Variants in CLCN5 observed in about 807,000 individuals in gnomAD.
CLCN5 encodes Cl-/H+ antiporter 5.
CLCN5 carries 17 observed loss-of-function variants against 54.0 expected under a neutral mutation model. The observed-to-expected ratio is 0.31, with a 90% CI of 0.22 to 0.47. The LOEUF is 0.47. Ranked by LOEUF, CLCN5 falls within the 20% of genes least tolerant of loss-of-function variation. The pLI is 1.00. For synonymous variants in CLCN5, 222 were observed against 233.0 expected (o/e 0.95, Z 0.43); for missense variants, 448 against 646.7 (o/e 0.69, Z 3.33).
chrX:50,030,135 A>C (rs782802358), intron 3 of CLCN5, among the ~76,000 whole-genome samples: 1 of 112,109 alleles, frequency 8.9e-6, no homozygotes, highest in South Asian at 3.7e-4. Context: ...AAGTTATATA[A>C]AAGATGCCAC....
chrX:50,062,031 C>T (rs1158349717), intron 4 of CLCN5, among the ~76,000 whole-genome samples: 1 of 100,946 alleles, frequency 9.9e-6, no homozygotes, highest in African/African-American at 4.0e-5. Context: ...AAGGAACAAC[C>T]GGTACCAGCT....
intron 4 of CLCN5, among the ~76,000 whole-genome samples, chrX:50,044,039 C>T (rs1416267855): frequency 9.0e-6 from 1 of 111,587 alleles, no homozygotes; most frequent in Non-Finnish European, 1.9e-5. Flanking sequence ...TCCCTGCCTT[C>T]ATGAAGTTGA....
intron 3 of CLCN5, among the ~76,000 whole-genome samples, chrX:49,967,514 C>T (rs1292518823): frequency 5.4e-5 from 5 of 92,375 alleles, no homozygotes; most frequent in Admixed American, 2.2e-4. Context: ...GTTCAATATA[C>T]GCAAATCAAT....
intron 2 of CLCN5, among the ~76,000 whole-genome samples, chrX:49,924,455 C>T (rs910564983): frequency 7.1e-5 from 8 of 112,157 alleles, no homozygotes; most frequent in South Asian, 3.7e-4. Context: ...GCACCCGGCC[C>T]CTAACTCCTT....
In CLCN5 at chrX:50,003,606, C is replaced by G. The variant is rs782668949; in HGVS notation, c.17-38710C>G. The G allele has an allele frequency of 8.7e-6, 3 of 346,233 alleles. No individual in the cohort carries two copies. In the Admixed American group the frequency reaches 8.8e-5, roughly 10 times the overall value. The allele number at this position is 346,233 out of a possible 1,213,427, so 28.5% of individuals were successfully genotyped here. A position where few individuals can be genotyped will look rare whatever the true frequency, so the allele number is the denominator to read the frequency against. On this transcript the variant is annotated intron_variant, in intron 3 of 14. Transcript: ENST00000376091. ...GGCGAGCCTCAGCTTTCCTTGCTCT[C>G]TTGTGCATGTGTATATACACATACG...
intron 4 of CLCN5, among the ~76,000 whole-genome samples, chrX:50,056,124 G>C (rs1158087109): frequency 9.1e-6 from 1 of 109,547 alleles, no homozygotes; most frequent in East Asian, 2.9e-4. Flanking sequence ...TGAATCCAAG[G>C]AGAATCTCAC....
Position 50,093,326 on chromosome X carries a change from G to T in CLCN5, c.*1107G>T, listed in dbSNP as rs1031197927. On this transcript the variant is annotated 3_prime_UTR_variant, in exon 15 of 15. Transcript: ENST00000376091. Reference sequence around the variant, plus strand: ...CATTGTACCTCCCAGCGATAAGTATGTGTAACAGGCCAGTGTGTTGTCCCC... The same window carrying T: ...CATTGTACCTCCCAGCGATAAGTATTTGTAACAGGCCAGTGTGTTGTCCCC... 7.1e-5 allele frequency: 8 copies of T among 112,449 alleles called. No homozygotes were observed. Among genetic ancestry groups the T allele is most frequent in the African/African-American group, 2.3e-4 (7 of 30,847 alleles). 9.3% of individuals were successfully genotyped at this position (112,449 alleles called of 1,213,427 possible). A position where few individuals can be genotyped will look rare whatever the true frequency, so the allele number is the denominator to read the frequency against.
chrX:49,970,092 G>T (rs1199863558), intron 3 of CLCN5, among the ~76,000 whole-genome samples: 3 of 111,181 alleles, frequency 2.7e-5, no homozygotes, highest in African/African-American at 9.8e-5. Flanking sequence ...TGGTGTTAGT[G>T]TGCTATATCC....
intron 3 of CLCN5, among the ~76,000 whole-genome samples, chrX:50,025,468 C>T (rs1048053387): frequency 3.7e-5 from 4 of 109,055 alleles, no homozygotes; most frequent in Admixed American, 9.7e-5. Context: ...AGCTGTAGAC[C>T]GGAGCTGTTC....
intron 3 of CLCN5, among the ~76,000 whole-genome samples, chrX:49,972,268 A>G (rs949550070): frequency 6.3e-5 from 7 of 110,326 alleles, no homozygotes; most frequent in Admixed American, 1.9e-4. Flanking sequence ...TTACACAACT[A>G]TAGTACAGTT....
intron 4 of CLCN5, among the ~76,000 whole-genome samples, chrX:50,048,894 G>A (rs1932482316): frequency 9.0e-6 from 1 of 111,042 alleles, no homozygotes; most frequent in Non-Finnish European, 1.9e-5. Flanking sequence ...TGTGTATTCT[G>A]ACCCATACAT....
rs782308486 is a variant in CLCN5 at position 49,925,333 on chromosome X, T to C, written c.16+19T>C. On this transcript the variant is annotated intron_variant, in intron 3 of 14. Coordinates refer to ENST00000376091, the MANE Select transcript of CLCN5 (RefSeq NM_001127898.4). ...TGGCAGGGTAAGAAATTAGCACTTA[T>C]TCTTCTAACTGGTTTTTCCTCCTAC... is the stretch of plus-strand genomic sequence containing the variant. 7.0e-5 allele frequency: 84 copies of C among 1,201,656 alleles called. No individual in the cohort carries two copies. The highest frequency in any genetic ancestry group is 9.3e-5 in the Non-Finnish European group (83 of 887,770).
At position 50,088,694 on chromosome X, in the gene CLCN5, G is replaced by A; in HGVS notation, c.1558-4G>A. On this transcript the variant is annotated splice_region_variant and splice_polypyrimidine_tract_variant and intron_variant, in intron 11 of 14. Coordinates refer to ENST00000376091, the MANE Select transcript of CLCN5 (RefSeq NM_001127898.4). ...ACTAACCATCTATTGGTTTCTCTTT[G>A]CAGATCCCTTCTGGCCTCTTTATCC... The A allele has an allele frequency of 8.3e-7, 1 of 1,209,339 alleles. No individual in the cohort carries two copies. Among genetic ancestry groups the A allele is most frequent in the African/African-American group, 1.7e-5 (1 of 57,683 alleles).
chrX:49,924,754 A>G (rs1271996149), intron 2 of CLCN5, among the ~76,000 whole-genome samples: 3 of 111,391 alleles, frequency 2.7e-5, no homozygotes, highest in African/African-American at 9.9e-5. Flanking sequence ...TCTGTTTCCA[A>G]ACTTTATTCA....
rs1490190685 is a variant in CLCN5, at chrX:50,040,863, G to A, written c.17-1453G>A. Reference sequence around the variant, plus strand: ...TGTCACTCACACTTCGGTCAAGCTGGTCTCTTTATCACAAATGAGGTATTG... The same window carrying A: ...TGTCACTCACACTTCGGTCAAGCTGATCTCTTTATCACAAATGAGGTATTG... On this transcript the variant is annotated intron_variant, in intron 3 of 14. Transcript: ENST00000376091. Among the ~76,000 whole-genome samples the A allele has an allele frequency of 3.6e-5, 4 of 111,661 alleles. No homozygotes were observed. In the Admixed American group the frequency reaches 3.8e-4, roughly 11 times the overall value.
chrX:50,067,394 C>T (rs1933063597), intron 4 of CLCN5, among the ~76,000 whole-genome samples: 2 of 111,725 alleles, frequency 1.8e-5, no homozygotes, highest in Admixed American at 1.9e-4. Context: ...TAAATGAAGA[C>T]TAAGACTTGT....
intron 3 of CLCN5, among the ~76,000 whole-genome samples, chrX:49,986,984 C>T (rs1929019143): frequency 8.9e-6 from 1 of 111,869 alleles, no homozygotes; most frequent in Admixed American, 9.5e-5. Flanking sequence ...GAAGAGGCTG[C>T]TGAACTTGAT....
At chrX:49,947,762 C>T (rs925542411) in intron 3 of CLCN5, among the ~76,000 whole-genome samples, 2 of 111,234 alleles carry the variant, frequency 1.8e-5, no homozygotes, top group African/African-American at 6.5e-5. Flanking sequence ...TTCTGGTCTT[C>T]GTTTGCTGTA....
intron 3 of CLCN5, among the ~76,000 whole-genome samples, chrX:49,960,429 T>C (rs1239927294): frequency 3.7e-5 from 4 of 109,528 alleles, no homozygotes; most frequent in Non-Finnish European, 7.6e-5. Flanking sequence ...TTTTCCAAAT[T>C]CCCACAGCAA....
Sources: gnomAD v4.1 joint callset for allele counts (sites outside exome capture counted in the v4.1 genomes callset) on GRCh38, gnomAD v4.1.1 for gene constraint, MANE v1.5 for transcripts, NCBI Gene and HGNC (gene_info 2026-07-23, HGNC 2026-07-21) for gene names.